Variants in SHMT1 observed in about 807,000 individuals in gnomAD.
The protein encoded by SHMT1 is serine hydroxymethyltransferase 1, also known as serine hydroxymethyltransferase, cytosolic.
A neutral mutation model predicts 49.0 loss-of-function variants in SHMT1; 45 were observed. That is an observed-to-expected ratio of 0.92 (90% confidence interval 0.72 to 1.18). SHMT1 has a LOEUF of 1.18. Ranked by LOEUF, SHMT1 falls within the 50% of genes most tolerant of loss-of-function variation. SHMT1 has a pLI of 0.00. For missense variants in SHMT1, 541 were observed against 612.4 expected (o/e 0.88, Z 1.23); for synonymous variants, 232 against 246.6 (o/e 0.94, Z 0.55).
chr17:18,360,919 C>T (rs1365517560), intron 1 of SHMT1, among the ~76,000 whole-genome samples: 1 of 152,108 alleles, frequency 6.6e-6, no homozygotes, highest in East Asian at 1.9e-4. Context: ...CCTGTAATCC[C>T]AGCACTTTGG....
In SHMT1 at chr17:18,328,553, C is replaced by G. The variant is rs1774191192; in HGVS notation, c.*197G>C. The G allele has an allele frequency of 5.0e-6, 3 of 605,518 alleles. No homozygotes were observed. The African/African-American group carries it at 5.6e-5, about 11-fold the overall frequency. 37.5% of individuals were successfully genotyped at this position (605,518 alleles called of 1,614,324 possible). A position where few individuals can be genotyped will look rare whatever the true frequency, so the allele number is the denominator to read the frequency against. On this transcript the variant is annotated 3_prime_UTR_variant, in exon 12 of 12. Transcript: ENST00000316694. ...AATTTAAATCCTTTAATAACCTGTC[C>G]CAGAATTACTAACAATGAGACTTAA...
chr17:18,343,622 AAAAAAAAAAG>A (rs2151584553), intron 5 of SHMT1, among the ~76,000 whole-genome samples: 1 of 144,892 alleles, frequency 6.9e-6, no homozygotes, highest in East Asian at 2.0e-4. Flanking sequence ...AAAAAAAAAA[AAAAAAAAAAG>A]GGGTCAGCCG....
chr17:18,348,221 A>G lies in SHMT1; in HGVS notation c.358+104T>C. 3 of 817,356 alleles carry G rather than the reference A, an allele frequency of 3.7e-6. No homozygotes were observed. In the South Asian group the frequency reaches 4.3e-5, roughly 12 times the overall value. 50.6% of individuals were successfully genotyped at this position (817,356 alleles called of 1,614,324 possible). A position where few individuals can be genotyped will look rare whatever the true frequency, so the allele number is the denominator to read the frequency against. On this transcript the variant is annotated intron_variant, in intron 4 of 11. Coordinates refer to ENST00000316694, the MANE Select transcript of SHMT1 (RefSeq NM_004169.5). ...AGGCGTGAGCCACTGGGCCCGGCCT[A>G]TGGCAGTCCATGGCAGTCCATCTTA...
At chr17:18,333,628 G>A (rs1193378173) in intron 8 of SHMT1, among the ~76,000 whole-genome samples, 1 of 151,916 alleles carries the variant, frequency 6.6e-6, no homozygotes, top group Non-Finnish European at 1.5e-5. Context: ...ACCATGTCCA[G>A]CTAATTTTTG....
At chr17:18,355,647 A>ATC (rs1443732328) in intron 2 of SHMT1, among the ~76,000 whole-genome samples, 5 of 149,484 alleles carry the variant, frequency 3.3e-5, no homozygotes, top group African/African-American at 1.2e-4. Flanking sequence ...ACTGTCAGTG[A>ATC]TCTCTCCCCT....
At chr17:18,347,781 TC>T in intron 4 of SHMT1, 125 bp from the exon 5 acceptor site, 2 of 1,002,826 alleles carry the variant, frequency 2.0e-6, no homozygotes, top group Non-Finnish European at 3.0e-6. Context: ...TTCCCTGAGC[TC>T]CAGGAGGTGC....
chr17:18,360,640 C>G (rs962658617), intron 1 of SHMT1: 1 of 152,072 alleles, frequency 6.6e-6, no homozygotes, highest in Non-Finnish European at 1.5e-5. Flanking sequence ...CAGGGAACGT[C>G]CCGGAGCTGA....
chr17:18,328,446 C>G lies in SHMT1; in HGVS notation c.*304G>C. ...TTTCTAACAGCTTTGCCCTACACCA[C>G]CATCTAAATGATTATGACCAAGTGG... is the stretch of plus-strand genomic sequence containing the variant. On this transcript the variant is annotated 3_prime_UTR_variant, in exon 12 of 12. Transcript: ENST00000316694. 1 of 410,782 alleles carries G rather than the reference C, an allele frequency of 2.4e-6. No individual in the cohort carries two copies. 25.4% of individuals were successfully genotyped at this position (410,782 alleles called of 1,614,324 possible).
Position 18,333,338 on chromosome 17 carries a change from AGAT to A in SHMT1, c.932-53_932-51del, listed in dbSNP as rs770637400. ...AGGAGGCTAGGATAGAATCATACAC[AGAT>A]GATGAGTCAAACAACATTCCTGTTT... On this transcript the variant is annotated intron_variant, in intron 8 of 11. Coordinates refer to ENST00000316694, the MANE Select transcript of SHMT1 (RefSeq NM_004169.5). The A allele has an allele frequency of 5.0e-6, 8 of 1,590,030 alleles. No homozygotes were observed. The East Asian group carries it at 1.6e-4, about 31-fold the overall frequency.
intron 5 of SHMT1, among the ~76,000 whole-genome samples, chr17:18,344,835 C>A (rs1212512881): frequency 6.6e-6 from 1 of 152,110 alleles, no homozygotes; most frequent in Non-Finnish European, 1.5e-5. Flanking sequence ...GCCAAAAACA[C>A]AAAATAGAAG....
At chr17:18,362,260 G>A (rs764879722) in intron 1 of SHMT1, among the ~76,000 whole-genome samples, 6 of 152,080 alleles carry the variant, frequency 3.9e-5, no homozygotes, top group Admixed American at 6.6e-5. Context: ...ACCCACTTCC[G>A]TTCCAAGTTC....
Position 18,348,294 on chromosome 17 carries a change from C to T in SHMT1, c.358+31G>A, listed in dbSNP as rs369859224. On this transcript the variant is annotated intron_variant, in intron 4 of 11. Transcript: ENST00000316694. ...GCCCTGGGGGATGCACATGAAGAGG[C>T]TGCACCAGGCCATATGGATGAGACA... 242 of 1,389,350 alleles carry T rather than the reference C, an allele frequency of 1.7e-4. 1 individual carries two copies. The highest frequency in any genetic ancestry group is 2.4e-4 in the Non-Finnish European group (232 of 976,914). 86.1% of individuals were successfully genotyped at this position (1,389,350 alleles called of 1,614,324 possible).
At chr17:18,362,290 G>A (rs879936732) in intron 1 of SHMT1, among the ~76,000 whole-genome samples, 4 of 151,992 alleles carry the variant, frequency 2.6e-5, no homozygotes, top group African/African-American at 7.2e-5. Context: ...ATAAATTTAC[G>A]TTATTTCTTT....
chr17:18,330,099 A>C (rs1296110312), intron 10 of SHMT1, among the ~76,000 whole-genome samples: 6 of 151,156 alleles, frequency 4.0e-5, no homozygotes, highest in African/African-American at 1.5e-4. Flanking sequence ...TCGGCCTCCC[A>C]AAGTGCTGGG....
At chr17:18,331,079 T>A in intron 9 of SHMT1, 1 of 350,408 alleles carries the variant, frequency 2.9e-6, no homozygotes, top group Non-Finnish European at 5.6e-6. Flanking sequence ...CAGAGCACAT[T>A]AGGTGCCAGA....
In SHMT1 at chr17:18,328,775, G is replaced by C. The variant is rs568356417; in HGVS notation, c.1427C>G (p.Pro476Arg). 5.7e-6 allele frequency: 9 copies of C among 1,591,186 alleles called. No homozygotes were observed. In the Admixed American group the frequency reaches 8.8e-5, roughly 15 times the overall value. ...TTAGAAGTCAGGCAGGCCAGGCAGA[G>C]GGAAGAGAGAGGCGAAGCTCTCAAC... is the stretch of plus-strand genomic sequence containing the variant. ...EEVESFASLF[P>R]LPGLPDF The change falls in exon 12 of 12, where the codon CCT becomes CGT. Residue 476 changes from proline (P) to arginine (R), a missense_variant. By Grantham distance (103) the Pro-to-Arg change is moderately radical. Transcript: ENST00000316694.
At chr17:18,341,025 G>A (rs1984448049) in intron 5 of SHMT1, 2 of 595,288 alleles carry the variant, frequency 3.4e-6, no homozygotes, top group African/African-American at 3.7e-5. Context: ...TCCCAGGGTT[G>A]TAGTGAGCCC....
Position 18,347,709 on chromosome 17 carries a change from T to A in SHMT1, c.359-53A>T, listed in dbSNP as rs563588607. 6 of 1,607,260 alleles carry A rather than the reference T, an allele frequency of 3.7e-6. No individual in the cohort carries two copies. In the African/African-American group the frequency reaches 5.3e-5, roughly 14 times the overall value. ...GATTATTTCTAACTGAGGTACCAAG[T>A]GGCATCCGGGACCTTGGCCACTAAG... On this transcript the variant is annotated intron_variant, in intron 4 of 11. Transcript: ENST00000316694.
chr17:18,343,627 AAAAAG>A (rs891148592), intron 5 of SHMT1, among the ~76,000 whole-genome samples: 2 of 147,472 alleles, frequency 1.4e-5, no homozygotes, highest in African/African-American at 2.5e-5. Context: ...AAAAAAAAAA[AAAAAG>A]GGGTCAGCCG....
Sources: allele counts gnomAD v4.1 joint callset (sites outside exome capture counted in the v4.1 genomes callset), GRCh38; gene constraint gnomAD v4.1.1; transcripts MANE v1.5; gene names NCBI Gene and HGNC (gene_info 2026-07-23, HGNC 2026-07-21).